The following LMO7 variants were observed in gnomAD, a reference collection of about 807,000 sequenced individuals.
LMO7 encodes LIM domain only protein 7.
LMO7 carries 120 observed loss-of-function variants against 206.5 expected under a neutral mutation model. That is an observed-to-expected ratio of 0.58 (90% CI 0.50 to 0.68). The LOEUF is 0.68. Ranked by LOEUF, LMO7 falls within the 30% of genes least tolerant of loss-of-function variation. The probability of loss-of-function intolerance (pLI) is 0.00; values close to 1 mark genes in which losing one functional copy is unlikely to be tolerated. For missense variants in LMO7, 1,959 were observed against 1,957.9 expected, an observed-to-expected ratio of 1.00 and a Z score of -0.01; for synonymous variants, 706 against 681.5, an observed-to-expected ratio of 1.04 and a Z score of -0.56.
intron 1 of LMO7, among the ~76,000 whole-genome samples, chr13:75,681,686 A>ATG: frequency 8.1e-6 from 1 of 122,922 alleles, no homozygotes; most frequent in Non-Finnish European, 1.7e-5. Context: ...GGGGAATGTC[A>ATG]TGTATGTATG....
intron 3 of LMO7, among the ~76,000 whole-genome samples, chr13:75,742,181 T>G (rs909248808): frequency 6.6e-6 from 1 of 152,012 alleles, no homozygotes; most frequent in Non-Finnish European, 1.5e-5. Context: ...ACGTGAAAGA[T>G]CTCTACAATG....
chr13:75,691,220 G>A (rs2041448584), intron 1 of LMO7, among the ~76,000 whole-genome samples: 1 of 152,198 alleles, frequency 6.6e-6, no homozygotes, highest in South Asian at 2.1e-4. Context: ...TTCAGGTAAG[G>A]TGAATATAAT....
At chr13:75,775,108 T>A (rs1050161446) in intron 4 of LMO7, among the ~76,000 whole-genome samples, 6 of 152,160 alleles carry the variant, frequency 3.9e-5, no homozygotes, top group Non-Finnish European at 7.4e-5. Context: ...CTGTTGGAAT[T>A]AATGTTGTAT....
intron 4 of LMO7, among the ~76,000 whole-genome samples, chr13:75,769,781 A>C (rs531649404): frequency 3.4e-4 from 52 of 152,264 alleles, no homozygotes; most frequent in African/African-American, 1.2e-3. Context: ...CTAGATGCTT[A>C]TCAAGTATTA....
intron 1 of LMO7, among the ~76,000 whole-genome samples, chr13:75,662,441 C>A (rs1566285676): frequency 6.6e-6 from 1 of 152,198 alleles, no homozygotes; most frequent in Non-Finnish European, 1.5e-5. Context: ...ACCTCAGCCT[C>A]CAGAGTAGCT....
At chr13:75,764,934 G>GT (rs569053120) in intron 4 of LMO7, among the ~76,000 whole-genome samples, 1 of 151,744 alleles carries the variant, frequency 6.6e-6, no homozygotes, top group Admixed American at 6.6e-5. Flanking sequence ...AACGGAGTTT[G>GT]TTTTTTTAAG....
intron 4 of LMO7, among the ~76,000 whole-genome samples, chr13:75,774,036 G>T (rs968081543): frequency 2.8e-4 from 42 of 151,872 alleles, no homozygotes; most frequent in African/African-American, 8.5e-4. Context: ...TTCTTCTCTA[G>T]GAGACACTTC....
At chr13:75,724,999 T>C (rs545192467) in intron 2 of LMO7, among the ~76,000 whole-genome samples, 4 of 152,296 alleles carry the variant, frequency 2.6e-5, no homozygotes, top group South Asian at 2.1e-4. Flanking sequence ...TTCTAAGTAA[T>C]AGCTTTGAAC....
rs2057545916 is a variant in LMO7, at chr13:75,821,189, T to C, written c.2220T>C (p.Asn740=). 1 of 1,600,936 alleles carries C rather than the reference T, an allele frequency of 6.2e-7. No individual in the cohort carries two copies. The highest frequency in any genetic ancestry group is 8.5e-7 in the Non-Finnish European group (1 of 1,175,462). ...TCTCTCCGCTAAGGGAATCCCAAAA[T>C]CAAAAGTCTACAGTTCCGTCAAGAA... ...KEMLQDRESQ[N]QKSTVPSRRR... The change falls in exon 14 of 31, where the codon AAT becomes AAC. Residue 740 remains asparagine (N), a synonymous_variant. Transcript: ENST00000377534.
intron 2 of LMO7, among the ~76,000 whole-genome samples, chr13:75,718,540 C>T (rs761005740): frequency 6.8e-4 from 103 of 152,170 alleles, no homozygotes; most frequent in Non-Finnish European, 8.8e-5. Context: ...CAGAAAGATC[C>T]CATATTTTCC....
rs1015500350 is a variant in LMO7 at position 75,834,238 on chromosome 13, A to G, written c.3077A>G (p.Glu1026Gly). 1 of 1,592,460 alleles carries G rather than the reference A, an allele frequency of 6.3e-7. No individual in the cohort carries two copies. The highest frequency in any genetic ancestry group is 1.4e-5 in the African/African-American group (1 of 73,792). The change falls in exon 17 of 31, where the codon GAA becomes GGA. Residue 1026 changes from glutamate (E) to glycine (G), a missense_variant. Transcript: ENST00000377534. The part of the protein sequence containing the change: ...VASVEAGSPA[E>G]FSQLQVDDEI... ...TTTGCATTTTTAGGTAGCCCAGCAG[A>G]ATTTTCTCAGCTACAAGTAGATGAT...
intron 1 of LMO7, among the ~76,000 whole-genome samples, chr13:75,653,509 A>G (rs2037772907): frequency 6.6e-6 from 1 of 152,260 alleles, no homozygotes; most frequent in Admixed American, 6.5e-5. Context: ...TGGAGCCTTG[A>G]TGATAGCCCA....
At position 75,804,343 on chromosome 13, in the gene LMO7, A is replaced by C. The variant is rs2055163306; in HGVS notation, c.716A>C (p.Lys239Thr). The C allele has an allele frequency of 1.2e-6, 2 of 1,614,022 alleles. No individual in the cohort carries two copies. Among genetic ancestry groups the C allele is most frequent in the East Asian group, 4.5e-5 (2 of 44,880 alleles). ...ACATTTAAGATGCAGGATTATAATA[A>C]AGATGATATGTCGTATCGAAGGATT... ...EFTFKMQDYN[K>T]DDMSYRRISA... Residue 239 changes from lysine (K) to threonine (T), a missense_variant, in exon 8 of 31, where the codon AAA becomes ACA. Coordinates refer to ENST00000377534, the MANE Select transcript of LMO7 (RefSeq NM_001306080.2).
chr13:75,642,790 T>C (rs1431371087), intron 1 of LMO7, among the ~76,000 whole-genome samples: 1 of 152,148 alleles, frequency 6.6e-6, no homozygotes, highest in Non-Finnish European at 1.5e-5. Context: ...AAATTAGAAA[T>C]TGTTATTTGT....
At chr13:75,641,823 T>C (rs1594003348) in intron 1 of LMO7, among the ~76,000 whole-genome samples, 1 of 151,736 alleles carries the variant, frequency 6.6e-6, no homozygotes, top group African/African-American at 2.4e-5. Context: ...ACTTTTGTAT[T>C]TCTTTTTTTT....
chr13:75,795,289 A>T (rs1252128614), intron 4 of LMO7, 112 bp from the exon 5 acceptor site: 2 of 707,698 alleles, frequency 2.8e-6, no homozygotes, highest in East Asian at 5.9e-5. Flanking sequence ...TTGGACTTCC[A>T]TGTGATATTA....
intron 1 of LMO7, among the ~76,000 whole-genome samples, chr13:75,655,042 T>G: frequency 6.6e-6 from 1 of 152,128 alleles, no homozygotes; most frequent in Non-Finnish European, 1.5e-5. Flanking sequence ...GGCTAATTTT[T>G]GTATTTTTAG....
chr13:75,723,107 C>T (rs2044162665), intron 2 of LMO7, among the ~76,000 whole-genome samples: 1 of 151,858 alleles, frequency 6.6e-6, no homozygotes, highest in Non-Finnish European at 1.5e-5. Flanking sequence ...TCTTAGAAAT[C>T]ACTACTAAAG....
intron 23 of LMO7, 53 bp downstream of exon 23, chr13:75,841,254 G>A: frequency 4.3e-6 from 5 of 1,152,862 alleles, no homozygotes; most frequent in Middle Eastern, 2.0e-4. Context: ...TTGTTGGTGA[G>A]ATTAGCTGAG....
Sources: allele counts gnomAD v4.1 joint callset (sites outside exome capture counted in the v4.1 genomes callset), GRCh38; gene constraint gnomAD v4.1.1; transcripts MANE v1.5; gene names NCBI Gene and HGNC (gene_info 2026-07-23, HGNC 2026-07-21).